KIF13A: variants seen among roughly 807,000 people sequenced by gnomAD.
KIF13A encodes kinesin-like protein KIF13A.
KIF13A carries 79 observed loss-of-function variants against 212.2 expected under a neutral mutation model. The ratio of observed to expected loss-of-function variants is 0.37; its 90% CI spans 0.31 to 0.45. KIF13A has a LOEUF of 0.45. KIF13A is among the 20% of genes least tolerant of loss of function. KIF13A has a pLI of 1.00. For synonymous variants in KIF13A, 789 were observed against 808.6 expected, an observed-to-expected ratio of 0.98 and a Z score of 0.41; for missense variants, 1,901 against 2,209.0, an observed-to-expected ratio of 0.86 and a Z score of 2.79.
At chr6:17,861,544 C>T (rs1768787089) in intron 4 of KIF13A, among the ~76,000 whole-genome samples, 1 of 152,166 alleles carries the variant, frequency 6.6e-6, no homozygotes, top group Non-Finnish European at 1.5e-5. Context: ...AATCAAATCT[C>T]CAAGTTCTCT....
intron 2 of KIF13A, among the ~76,000 whole-genome samples, chr6:17,946,227 G>A (rs1221252278): frequency 1.3e-5 from 2 of 152,196 alleles, no homozygotes; most frequent in East Asian, 3.9e-4. Flanking sequence ...AAAGTGCTGG[G>A]ATTACAGGTA....
intron 2 of KIF13A, among the ~76,000 whole-genome samples, chr6:17,901,011 G>A (rs1463841851): frequency 6.6e-6 from 1 of 150,942 alleles, no homozygotes. Context: ...CCAGGAGGCG[G>A]AGCTTGCAGT....
rs1430710595 is a variant in KIF13A at position 17,843,146 on chromosome 6, C to T, written c.831-5563G>A. ...GGTGTAATTTGCCATACACATTCCT[C>T]CATGCAATTACTGTGCTTGGTTTAT... On this transcript the variant is annotated intron_variant, in intron 9 of 38. Coordinates refer to ENST00000259711, the MANE Select transcript of KIF13A (RefSeq NM_022113.6). This position sits in a 1 kb window ranked among gnomAD's most constrained non-coding sequence, Gnocchi z 5.3. 2.0e-5 allele frequency among the ~76,000 whole-genome samples: 3 copies of T among 152,180 alleles called. No homozygotes were observed. The highest frequency in any genetic ancestry group is 6.5e-5 in the Admixed American group (1 of 15,274).
chr6:17,764,830 G>C lies in KIF13A; in HGVS notation c.4698C>G (p.Asn1566Lys). The change falls in exon 39 of 39, where the codon AAC becomes AAG. Residue 1566 changes from asparagine to lysine, a missense_variant. Physicochemically the swap from Asn to Lys is moderately conservative, Grantham distance 94 (BLOSUM62 0). Transcript: ENST00000259711. The surrounding 1 kb of genome is among the most constrained non-coding windows in gnomAD (Gnocchi z 5.1). ...CTACTTTAGAGGAAAACCATTCCCT[G>C]TTCTCCAAGCTGGCATTGTAAACAC... Reference protein sequence around the residue: ...DFSVYNASLENREWFSSKVDL... With the variant: ...DFSVYNASLEKREWFSSKVDL... The C allele has an allele frequency of 6.2e-7, 1 of 1,613,760 alleles. No individual in the cohort carries two copies. The highest frequency in any genetic ancestry group is 8.5e-7 in the Non-Finnish European group (1 of 1,179,786).
rs1778840177 is a variant in KIF13A at position 17,961,858 on chromosome 6, C to T, written c.146+25196G>A. ...CCTAAGCCCTGTGTTCCTCTGTATT[C>T]TAGGGTGCTTAGTGTTTGGTTGGCA... is the stretch of plus-strand genomic sequence containing the variant. On this transcript the variant is annotated intron_variant, in intron 2 of 38. Transcript: ENST00000259711. The surrounding 1 kb of genome is among the most constrained non-coding windows in gnomAD (Gnocchi z 4.1). Among the ~76,000 whole-genome samples the T allele has an allele frequency of 6.6e-6, 1 of 152,168 alleles. No homozygotes were observed. The highest frequency in any genetic ancestry group is 2.4e-5 in the African/African-American group (1 of 41,442).
chr6:17,942,957 C>A (rs929071932), intron 2 of KIF13A, among the ~76,000 whole-genome samples: 3 of 151,056 alleles, frequency 2.0e-5, no homozygotes, highest in Non-Finnish European at 4.4e-5. Context: ...CCAGGCTGGC[C>A]GACAGAGTGA....
intron 17 of KIF13A, among the ~76,000 whole-genome samples, chr6:17,814,276 T>A (rs1763721985): frequency 8.2e-6 from 1 of 121,610 alleles, no homozygotes; most frequent in African/African-American, 3.2e-5. Context: ...TTTGAGACAG[T>A]CTTGCTCTGT....
In KIF13A at chr6:17,771,343, C is replaced by T. The variant is rs553794860; in HGVS notation, c.4477-125G>A. On this transcript the variant is annotated intron_variant, in intron 37 of 38. Transcript: ENST00000259711. The surrounding 1 kb of genome is among the most constrained non-coding windows in gnomAD (Gnocchi z 5.4). Reference sequence around the variant, plus strand: ...TTATTACATGTGAGTAATGCAGCAGCCAATTCTGCAGGCCAGAGTTAAACT... The same window carrying T: ...TTATTACATGTGAGTAATGCAGCAGTCAATTCTGCAGGCCAGAGTTAAACT... 4.1e-5 allele frequency: 26 copies of T among 637,340 alleles called. No individual in the cohort carries two copies. In the African/African-American group the frequency reaches 4.2e-4, roughly 10 times the overall value. The allele number at this position is 637,340 out of a possible 1,614,324, so 39.5% of individuals were successfully genotyped here.
intron 16 of KIF13A, among the ~76,000 whole-genome samples, chr6:17,817,497 T>C (rs1764053470): frequency 6.6e-6 from 1 of 152,232 alleles, no homozygotes; most frequent in Admixed American, 6.5e-5. Flanking sequence ...TCCTAACGTT[T>C]AGATAAATCA....
intron 18 of KIF13A, among the ~76,000 whole-genome samples, chr6:17,808,009 C>T (rs201792991): frequency 0.016 from 2,486 of 152,300 alleles, 76 homozygotes; most frequent in African/African-American, 0.056. Flanking sequence ...ACAGGAAACT[C>T]CCAGACGCTT....
At chr6:17,933,024 TAAG>T (rs1007420362) in intron 2 of KIF13A, among the ~76,000 whole-genome samples, 2 of 152,130 alleles carry the variant, frequency 1.3e-5, no homozygotes, top group African/African-American at 4.8e-5. Context: ...CACAGTAAGA[TAAG>T]AATATCTAAA....
downstream of KIF13A, among the ~76,000 whole-genome samples, chr6:17,761,315 T>C (rs1758573423): frequency 6.6e-6 from 1 of 152,186 alleles, no homozygotes; most frequent in Non-Finnish European, 1.5e-5. Flanking sequence ...CCTGGGTTCA[T>C]GCGATCTTCC....
chr6:17,877,067 A>C (rs993674065), intron 3 of KIF13A, among the ~76,000 whole-genome samples: 2 of 150,826 alleles, frequency 1.3e-5, no homozygotes, highest in African/African-American at 4.9e-5. Context: ...AATGGCATTA[A>C]GATCTCGCAG....
chr6:17,858,915 G>T (rs1768425157), intron 4 of KIF13A, among the ~76,000 whole-genome samples: 1 of 150,612 alleles, frequency 6.6e-6, no homozygotes, highest in African/African-American at 2.4e-5. Context: ...AAGCCCAACA[G>T]CTTGAGTTGA....
chr6:17,848,388 C>G (rs749161143), intron 9 of KIF13A, among the ~76,000 whole-genome samples: 20 of 152,134 alleles, frequency 1.3e-4, no homozygotes, highest in Admixed American at 3.9e-4. Flanking sequence ...CATTAACCAA[C>G]CTCTCGTTAT....
rs1770869870 is a variant in KIF13A at position 17,879,487 on chromosome 6, G to T, written c.160-6050C>A. The stretch of plus-strand genomic sequence containing the variant: ...CATTACTTTCACATGCATGGTTTGG[G>T]GGAACTTGATTCCTGCAATGGTCAA... On this transcript the variant is annotated intron_variant, in intron 3 of 38. Coordinates refer to ENST00000259711, the MANE Select transcript of KIF13A (RefSeq NM_022113.6). 3.9e-5 allele frequency among the ~76,000 whole-genome samples: 6 copies of T among 152,222 alleles called. 1 individual carries two copies. In the South Asian group the frequency reaches 1.2e-3, roughly 32 times the overall value.
rs1765792959 is a variant in KIF13A, at chr6:17,834,984, GC to G, written c.1156-914del. Among the ~76,000 whole-genome samples, 1 of 151,916 alleles carries G rather than the reference GC, an allele frequency of 6.6e-6. No homozygotes were observed. On this transcript the variant is annotated intron_variant, in intron 11 of 38. Transcript: ENST00000259711. The surrounding 1 kb of genome is among the most constrained non-coding windows in gnomAD (Gnocchi z 4.0). ...GAGGTGGGTGAATCACTTGAGACCAGCCTGGCTAACATGGCGAAACCCTGTC... is the reference window on the plus strand; with the variant it reads ...GAGGTGGGTGAATCACTTGAGACCAGCTGGCTAACATGGCGAAACCCTGTC...
chr6:17,800,233 G>A (rs1762368840), intron 20 of KIF13A, 120 bp from the exon 21 acceptor site: 6 of 908,692 alleles, frequency 6.6e-6, no homozygotes, highest in Non-Finnish European at 6.5e-6. Flanking sequence ...CTGCTTGGTC[G>A]TCTTCGGCAA....
intron 2 of KIF13A, among the ~76,000 whole-genome samples, chr6:17,937,377 C>T (rs537498422): frequency 6.6e-6 from 1 of 152,286 alleles, no homozygotes; most frequent in East Asian, 1.9e-4. Flanking sequence ...TTGCATTGAT[C>T]TCGGCAGTGA....
Sources: gnomAD v4.1 joint callset for allele counts (sites outside exome capture counted in the v4.1 genomes callset) on GRCh38, gnomAD v4.1.1 for gene constraint, Gnocchi (gnomAD v3.1) non-coding constraint, MANE v1.5 for transcripts, NCBI Gene and HGNC (gene_info 2026-07-23, HGNC 2026-07-21) for gene names.